The following CFAP210 variants were observed in gnomAD, a reference collection of about 807,000 sequenced individuals.
CFAP210 encodes the protein cilia and flagella associated protein 210.
At chr2:169,676,940 C>G in the CFAP210 span, among the ~76,000 whole-genome samples, 1 of 152,120 alleles carries the variant, frequency 6.6e-6, no homozygotes, top group Non-Finnish European at 1.5e-5. Flanking sequence ...TTACCTTTTC[C>G]CAGCATTTCT....
chr2:169,688,684 G>A, the CFAP210 span, among the ~76,000 whole-genome samples: 3 of 152,176 alleles, frequency 2.0e-5, no homozygotes, highest in Non-Finnish European at 2.9e-5. Context: ...ATCTCCATCT[G>A]AGACCATCTC....
At chr2:169,694,167 G>A in the CFAP210 span, 1 of 1,221,312 alleles carries the variant, frequency 8.2e-7, no homozygotes, top group East Asian at 2.4e-5. Flanking sequence ...CATTTCAAAA[G>A]GCAACTGAAG....
the CFAP210 span, among the ~76,000 whole-genome samples, chr2:169,665,900 C>G: frequency 6.6e-6 from 1 of 152,064 alleles, no homozygotes; most frequent in Non-Finnish European, 1.5e-5. Context: ...CTCCTTTTCC[C>G]TAATTAGGAC....
At chr2:169,646,715 G>A in the CFAP210 span, among the ~76,000 whole-genome samples, 1 of 152,226 alleles carries the variant, frequency 6.6e-6, no homozygotes, top group Admixed American at 6.5e-5. Context: ...AATGTAGGTT[G>A]AGAAGGCACT....
At chr2:169,655,350 C>T in the CFAP210 span, among the ~76,000 whole-genome samples, 1 of 152,170 alleles carries the variant, frequency 6.6e-6, no homozygotes, top group African/African-American at 2.4e-5. Context: ...TTGTTAGGGG[C>T]ATCACTTAAT....
the CFAP210 span, among the ~76,000 whole-genome samples, chr2:169,690,295 A>G: frequency 1.3e-5 from 2 of 152,368 alleles, no homozygotes; most frequent in East Asian, 3.9e-4. Context: ...TGAGCTGGAA[A>G]GTGCTCCTTC....
the CFAP210 span, chr2:169,653,970 T>C: frequency 8.3e-7 from 1 of 1,210,962 alleles, no homozygotes; most frequent in Non-Finnish European, 1.1e-6. Flanking sequence ...AATGCTCTAG[T>C]CATATATAAA....
the CFAP210 span, among the ~76,000 whole-genome samples, chr2:169,689,090 A>G: frequency 2.0e-5 from 3 of 152,226 alleles, no homozygotes; most frequent in Non-Finnish European, 2.9e-5. Context: ...TCCCTGATAA[A>G]CCCATTGATC....
chr2:169,676,275 GAC>G, the CFAP210 span, among the ~76,000 whole-genome samples: 1 of 151,284 alleles, frequency 6.6e-6, no homozygotes, highest in South Asian at 2.1e-4. Flanking sequence ...TGGGTTTATA[GAC>G]AGTCTTGCTG....
chr2:169,693,767 T>A, the CFAP210 span, among the ~76,000 whole-genome samples: 1 of 152,170 alleles, frequency 6.6e-6, no homozygotes. Context: ...TTATATTTAC[T>A]TTAGAGAGGA....
At chr2:169,647,739 T>TATC in the CFAP210 span, among the ~76,000 whole-genome samples, 2 of 152,224 alleles carry the variant, frequency 1.3e-5, no homozygotes, top group East Asian at 3.8e-4. Context: ...TCAAAGATAC[T>TATC]ATCAATGGAG....
the CFAP210 span, among the ~76,000 whole-genome samples, chr2:169,678,290 G>C: frequency 5.7e-5 from 8 of 139,952 alleles, no homozygotes; most frequent in Admixed American, 6.2e-4. Context: ...GCAGTGAGCC[G>C]AGACCTTACC....
At chr2:169,655,878 G>GA in the CFAP210 span, among the ~76,000 whole-genome samples, 1 of 152,204 alleles carries the variant, frequency 6.6e-6, no homozygotes, top group African/African-American at 2.4e-5. Flanking sequence ...ATACAAAGTT[G>GA]AAACTCAGTA....
the CFAP210 span, chr2:169,681,142 A>G: frequency 1.9e-6 from 3 of 1,613,478 alleles, no homozygotes; most frequent in South Asian, 2.2e-5. Context: ...TTTTCCACTC[A>G]TCGTGTGGAA....
chr2:169,692,444 G>GCACACACACACA, the CFAP210 span, among the ~76,000 whole-genome samples: 965 of 143,738 alleles, frequency 6.7e-3, 8 homozygotes, highest in African/African-American at 0.024. Flanking sequence ...ACAGGCGCAC[G>GCACACACACACA]CACACACACA....
At chr2:169,649,535 T>A in the CFAP210 span, among the ~76,000 whole-genome samples, 1 of 152,118 alleles carries the variant, frequency 6.6e-6, no homozygotes, top group Admixed American at 6.6e-5. Context: ...ATTTCCTGAA[T>A]ATCAGAAAAT....
At chr2:169,678,359 A>AAAG in the CFAP210 span, among the ~76,000 whole-genome samples, 1 of 145,766 alleles carries the variant, frequency 6.9e-6, no homozygotes, top group Non-Finnish European at 1.5e-5. Flanking sequence ...AAAAAAAAAA[A>AAAG]AAAAGAAAGA....
chr2:169,680,963 G>T, the CFAP210 span: 1 of 1,500,038 alleles, frequency 6.7e-7, no homozygotes, highest in Non-Finnish European at 9.2e-7. Context: ...AGAAACAAGA[G>T]TAAGTCTTCA....
chr2:169,680,715 G>GA, the CFAP210 span, among the ~76,000 whole-genome samples: 2 of 152,204 alleles, frequency 1.3e-5, no homozygotes, highest in African/African-American at 2.4e-5. Flanking sequence ...GGAGAAATAA[G>GA]AGGGAACAAA....
Sources: allele counts gnomAD v4.1 joint callset (sites outside exome capture counted in the v4.1 genomes callset), GRCh38; gene constraint gnomAD v4.1.1; transcripts MANE v1.5; gene names NCBI Gene and HGNC (gene_info 2026-07-23, HGNC 2026-07-21).